The following STC1 variants were observed in gnomAD, a reference collection of about 807,000 sequenced individuals.
STC1 encodes the protein stanniocalcin-1.
Under a neutral mutation model 22.6 loss-of-function variants are expected in STC1, and 7 were observed. That is an observed-to-expected ratio of 0.31 (90% CI 0.18 to 0.58). The LOEUF (loss-of-function observed/expected upper bound fraction) is 0.58, where lower values mean the gene tolerates loss of function less well. STC1 is among the 20% of genes least tolerant of loss of function. The pLI is 0.89. For missense variants in STC1, 224 were observed against 311.0 expected, an observed-to-expected ratio of 0.72 and a Z score of 2.10; for synonymous variants, 113 against 120.7, an observed-to-expected ratio of 0.94 and a Z score of 0.42.
intron 2 of STC1, 144 bp from the exon 3 acceptor site, chr8:23,851,675 C>G: frequency 1.5e-6 from 1 of 650,062 alleles, no homozygotes; most frequent in South Asian, 2.1e-5. Context: ...GATTGCATGT[C>G]TCGGCTAAGG....
chr8:23,851,714 T>A (rs1388312227), intron 2 of STC1, among the ~76,000 whole-genome samples, 183 bp from the exon 3 acceptor site: 1 of 148,638 alleles, frequency 6.7e-6, no homozygotes, highest in Non-Finnish European at 1.5e-5. Context: ...CCTCTCCCCA[T>A]CTCCCTGGAT....
intron 3 of STC1, among the ~76,000 whole-genome samples, chr8:23,848,952 C>T (rs994045336): frequency 3.3e-5 from 5 of 152,214 alleles, no homozygotes; most frequent in Admixed American, 6.5e-5. Flanking sequence ...AGCCTCGCAC[C>T]GCCCTGCTGG....
At chr8:23,853,920 G>T in intron 1 of STC1, 1 of 681,244 alleles carries the variant, frequency 1.5e-6, no homozygotes, top group Non-Finnish European at 1.8e-6. Context: ...GAGGGCTATG[G>T]TTCTGAAAAT....
intron 3 of STC1, among the ~76,000 whole-genome samples, chr8:23,849,671 G>A (rs917759092): frequency 1.3e-5 from 2 of 151,984 alleles, no homozygotes; most frequent in African/African-American, 4.8e-5. Flanking sequence ...GATTAGTATC[G>A]CCTCAAAATT....
chr8:23,848,318 G>A (rs1802596300), intron 3 of STC1, among the ~76,000 whole-genome samples: 1 of 152,008 alleles, frequency 6.6e-6, no homozygotes, highest in African/African-American at 2.4e-5. Flanking sequence ...GATCACCTGA[G>A]GTCAGGAGTT....
rs1399224040 is a variant in STC1, at chr8:23,844,694, A to T, written c.*76T>A. The stretch of plus-strand genomic sequence containing the variant: ...ACTTTAAAAAAATCAAACCAGGCAC[A>T]GTACACTCAAAACTGGTGTGTCAAC... On this transcript the variant is annotated 3_prime_UTR_variant, in exon 4 of 4. Coordinates refer to ENST00000290271, the MANE Select transcript of STC1 (RefSeq NM_003155.3). 2.6e-6 allele frequency: 4 copies of T among 1,541,254 alleles called. No individual in the cohort carries two copies. Among genetic ancestry groups the T allele is most frequent in the Non-Finnish European group, 3.5e-6 (4 of 1,131,698 alleles).
chr8:23,845,124 A>C, intron 3 of STC1, 84 bp from the exon 4 acceptor site: 1 of 1,435,596 alleles, frequency 7.0e-7, no homozygotes, highest in Non-Finnish European at 9.6e-7. Flanking sequence ...TCTAGCCAAC[A>C]CGAGTCCCTA....
At position 23,844,604 on chromosome 8, in the gene STC1, G is replaced by C. The variant is rs1011106209; in HGVS notation, c.*166C>G. ...GGGAATGCTGCCATTGCAGAATGTT[G>C]GGATATTGATTACAGAAGCCTAGTT... On this transcript the variant is annotated 3_prime_UTR_variant, in exon 4 of 4. Transcript: ENST00000290271. 6 of 746,526 alleles carry C rather than the reference G, an allele frequency of 8.0e-6. No individual in the cohort carries two copies. Among genetic ancestry groups the C allele is most frequent in the Non-Finnish European group, 1.3e-5 (6 of 472,524 alleles). 46.2% of individuals were successfully genotyped at this position (746,526 alleles called of 1,614,324 possible).
At chr8:23,847,282 C>T (rs1174853598) in intron 3 of STC1, among the ~76,000 whole-genome samples, 1 of 152,208 alleles carries the variant, frequency 6.6e-6, no homozygotes, top group Non-Finnish European at 1.5e-5. Flanking sequence ...CCTTCAGGCC[C>T]CACTTTGTCA....
intron 3 of STC1, among the ~76,000 whole-genome samples, chr8:23,849,794 A>G (rs1039544314): frequency 1.3e-5 from 2 of 151,928 alleles, no homozygotes; most frequent in South Asian, 2.1e-4. Context: ...CCACACAAAC[A>G]CATACTTTGT....
rs1563344392 is a variant in STC1, at chr8:23,854,717, T to TGCCGCCGCCGCC, written c.-195_-194insGGCGGCGGCGGC. 1.5e-6 allele frequency: 1 copy of TGCCGCCGCCGCC among 676,212 alleles called. No homozygotes were observed. The highest frequency in any genetic ancestry group is 1.8e-5 in the African/African-American group (1 of 55,492). 41.9% of individuals were successfully genotyped at this position (676,212 alleles called of 1,614,324 possible). ...CCACCGGTGCCTCCGCTGCTGCTGC[T>TGCCGCCGCCGCC]GCTGCCGCCGCTGCTGCTGCTGCTG... On this transcript the variant is annotated 5_prime_UTR_variant, in exon 1 of 4. Transcript: ENST00000290271.
At chr8:23,845,786 G>T (rs573379808) in intron 3 of STC1, among the ~76,000 whole-genome samples, 5 of 152,132 alleles carry the variant, frequency 3.3e-5, no homozygotes, top group Non-Finnish European at 1.5e-5. Flanking sequence ...TGGAAATATT[G>T]GTGGTTTTTA....
intron 3 of STC1, among the ~76,000 whole-genome samples, chr8:23,850,021 C>T (rs908544385): frequency 1.3e-5 from 2 of 152,082 alleles, no homozygotes; most frequent in African/African-American, 4.8e-5. Context: ...CATTTAGAAC[C>T]CCATGATAAA....
chr8:23,843,771 C>T lies in STC1; in HGVS notation c.*999G>A, dbSNP rs1019774328. On this transcript the variant is annotated 3_prime_UTR_variant, in exon 4 of 4. Coordinates refer to ENST00000290271, the MANE Select transcript of STC1 (RefSeq NM_003155.3). ...CTTACCTGGGGTCCTTCAGATAAAC[C>T]TGTTGGTTTTTCCTGTCTCATACAG... The T allele has an allele frequency of 1.3e-5, 2 of 152,550 alleles. No individual in the cohort carries two copies. The highest frequency in any genetic ancestry group is 2.9e-5 in the Non-Finnish European group (2 of 68,034). The allele number at this position is 152,550 out of a possible 1,614,324, so 9.4% of individuals were successfully genotyped here.
At chr8:23,850,195 T>A (rs1340644160) in intron 3 of STC1, among the ~76,000 whole-genome samples, 2 of 152,238 alleles carry the variant, frequency 1.3e-5, no homozygotes, top group Non-Finnish European at 2.9e-5. Flanking sequence ...TGTATGTACA[T>A]GACTAAATCA....
At chr8:23,847,330 A>G (rs1423638018) in intron 3 of STC1, among the ~76,000 whole-genome samples, 1 of 151,926 alleles carries the variant, frequency 6.6e-6, no homozygotes, top group Non-Finnish European at 1.5e-5. Flanking sequence ...CTACCTTTCT[A>G]CCTTTACTGT....
rs544049508 is a variant in STC1 at position 23,854,481 on chromosome 8, C to T, written c.43G>A (p.Ala15Thr). 4 of 1,613,916 alleles carry T rather than the reference C, an allele frequency of 2.5e-6. No individual in the cohort carries two copies. The highest frequency in any genetic ancestry group is 3.4e-6 in the Non-Finnish European group (4 of 1,180,020). The change falls in exon 1 of 4, where the codon GCT (alanine) becomes ACT (threonine). Residue 15 changes from alanine (A) to threonine (T), a missense_variant. By Grantham distance (58) the Ala-to-Thr change is moderately conservative (BLOSUM62 0). Coordinates refer to ENST00000290271, the MANE Select transcript of STC1 (RefSeq NM_003155.3). ...TGCTCCGCCTCATGGGTTGCAGAAGCACTGATCACCAGCACCAGAAGCACT... is the reference window on the plus strand; with the variant it reads ...TGCTCCGCCTCATGGGTTGCAGAAGTACTGATCACCAGCACCAGAAGCACT... ...SAVLLVLVIS[A>T]SATHEAEQND...
intron 3 of STC1, among the ~76,000 whole-genome samples, chr8:23,850,797 C>G (rs1802629051): frequency 6.6e-6 from 1 of 152,006 alleles, no homozygotes; most frequent in African/African-American, 2.4e-5. Flanking sequence ...AATCTGAGCC[C>G]CAGGGAAGTG....
chr8:23,844,169 A>G lies in STC1; in HGVS notation c.*601T>C, dbSNP rs189441035. 500 of 153,990 alleles carry G rather than the reference A, an allele frequency of 3.2e-3. 3 individuals carry two copies. Among genetic ancestry groups the G allele is most frequent in the Admixed American group, 7.6e-3 (119 of 15,560 alleles). 9.5% of individuals were successfully genotyped at this position (153,990 alleles called of 1,614,324 possible). On this transcript the variant is annotated 3_prime_UTR_variant, in exon 4 of 4. Coordinates refer to ENST00000290271, the MANE Select transcript of STC1 (RefSeq NM_003155.3). ...TTAGATGCAAGAAGATGCAGGCTCAAAGTCTGGTTGGACAGCCAGGCTCAA... is the reference window on the plus strand; with the variant it reads ...TTAGATGCAAGAAGATGCAGGCTCAGAGTCTGGTTGGACAGCCAGGCTCAA...
Sources: gnomAD v4.1 joint callset for allele counts (sites outside exome capture counted in the v4.1 genomes callset) on GRCh38, gnomAD v4.1.1 for gene constraint, MANE v1.5 for transcripts, NCBI Gene and HGNC (gene_info 2026-07-23, HGNC 2026-07-21) for gene names.